ZDHHC14: variants seen among roughly 807,000 people sequenced by gnomAD.
The protein encoded by ZDHHC14 is zDHHC palmitoyltransferase 14.
A neutral mutation model predicts 47.7 loss-of-function variants in ZDHHC14; 16 were observed. That is an observed-to-expected ratio of 0.34 (90% CI 0.23 to 0.51). ZDHHC14 has a LOEUF of 0.51. ZDHHC14 is among the 20% of genes least tolerant of loss of function. The pLI is 0.97. For synonymous variants in ZDHHC14, 293 were observed against 278.9 expected, an observed-to-expected ratio of 1.05 and a Z score of -0.50; for missense variants, 515 against 662.5, an observed-to-expected ratio of 0.78 and a Z score of 2.44.
intron 2 of ZDHHC14, among the ~76,000 whole-genome samples, chr6:157,584,404 G>C (rs1163636360): frequency 2.0e-5 from 3 of 152,216 alleles, no homozygotes; most frequent in Non-Finnish European, 2.9e-5. Context: ...TGGTAGGAAA[G>C]AATCTTACTC....
In ZDHHC14 at chr6:157,465,639, G is replaced by A. The variant is rs1473729575; in HGVS notation, c.246-76946G>A. ...AAGAAATCTTCAAGGTCAGTCTTCT[G>A]TGTAGTGCCATGAGGCTCTCGTTAA... On this transcript the variant is annotated intron_variant, in intron 1 of 8. Transcript: ENST00000359775. 2.0e-5 allele frequency among the ~76,000 whole-genome samples: 3 copies of A among 152,094 alleles called. No individual in the cohort carries two copies. In the East Asian group the frequency reaches 5.8e-4, roughly 29 times the overall value.
At position 157,618,327 on chromosome 6, in the gene ZDHHC14, A is replaced by ATT. The variant is rs112996332; in HGVS notation, c.566-10011_566-10010dup. Among the ~76,000 whole-genome samples, 113 of 146,902 alleles carry ATT rather than the reference A, an allele frequency of 7.7e-4. 1 individual carries two copies. Among genetic ancestry groups the ATT allele is most frequent in the African/African-American group, 2.7e-3 (108 of 40,304 alleles). ...ATACAAATTTGAACTCACATGACTG[A>ATT]TTTTTTTTTTTTGAGACCTAATCTC... is the stretch of plus-strand genomic sequence containing the variant. On this transcript the variant is annotated intron_variant, in intron 3 of 8. Coordinates refer to ENST00000359775, the MANE Select transcript of ZDHHC14 (RefSeq NM_024630.3).
intron 1 of ZDHHC14, among the ~76,000 whole-genome samples, chr6:157,447,499 G>A (rs866754873): frequency 6.6e-5 from 10 of 152,316 alleles, no homozygotes; most frequent in Middle Eastern, 3.4e-3. Context: ...AGGGAGGGTC[G>A]GGGACTGTAT....
intron 3 of ZDHHC14, among the ~76,000 whole-genome samples, chr6:157,627,228 C>A (rs1303655575): frequency 6.6e-6 from 1 of 152,108 alleles, no homozygotes; most frequent in Non-Finnish European, 1.5e-5. Context: ...GACTGCCTTG[C>A]CTAAGTTTAT....
intron 3 of ZDHHC14, among the ~76,000 whole-genome samples, chr6:157,603,584 C>T (rs1203592547): frequency 6.6e-6 from 1 of 152,160 alleles, no homozygotes; most frequent in African/African-American, 2.4e-5. Flanking sequence ...AGGTAGTAGG[C>T]AGCTGTTGTC....
At chr6:157,537,597 G>A (rs1055092954) in intron 1 of ZDHHC14, among the ~76,000 whole-genome samples, 1 of 152,200 alleles carries the variant, frequency 6.6e-6, no homozygotes, top group African/African-American at 2.4e-5. Flanking sequence ...CCTGTAGCCT[G>A]TTTGCTACAC....
intron 2 of ZDHHC14, among the ~76,000 whole-genome samples, chr6:157,568,279 AAAG>A (rs1782980569): frequency 6.6e-6 from 1 of 152,250 alleles, no homozygotes; most frequent in Non-Finnish European, 1.5e-5. Context: ...TAAAAAGAAT[AAAG>A]AAGAAAATGA....
chr6:157,515,462 T>G (rs112007000), intron 1 of ZDHHC14, among the ~76,000 whole-genome samples: 5 of 109,176 alleles, frequency 4.6e-5, no homozygotes, highest in Non-Finnish European at 6.1e-5. Flanking sequence ...TTTTTCTTTT[T>G]TTTTTTTTTT....
chr6:157,412,288 G>A (rs1435527549), intron 1 of ZDHHC14, among the ~76,000 whole-genome samples: 1 of 144,832 alleles, frequency 6.9e-6, no homozygotes, highest in Non-Finnish European at 1.5e-5. Flanking sequence ...GAGTTTTGTT[G>A]TTGTTGTTTG....
chr6:157,482,232 C>A (rs1337759442), intron 1 of ZDHHC14, among the ~76,000 whole-genome samples: 2 of 151,410 alleles, frequency 1.3e-5, no homozygotes, highest in African/African-American at 4.8e-5. Context: ...AAAGTGAGGA[C>A]ACCTAACGTC....
chr6:157,665,646 C>G (rs2115008404), intron 8 of ZDHHC14, among the ~76,000 whole-genome samples: 1 of 152,166 alleles, frequency 6.6e-6, no homozygotes, highest in South Asian at 2.1e-4. Context: ...TAGATAAGCA[C>G]CCTGATATTG....
At chr6:157,504,035 G>A (rs1190339135) in intron 1 of ZDHHC14, among the ~76,000 whole-genome samples, 2 of 152,158 alleles carry the variant, frequency 1.3e-5, no homozygotes, top group South Asian at 4.1e-4. Flanking sequence ...TGTTCATGAT[G>A]ATAACTGTTC....
At chr6:157,594,958 G>A (rs923854470) in intron 3 of ZDHHC14, among the ~76,000 whole-genome samples, 1 of 151,116 alleles carries the variant, frequency 6.6e-6, no homozygotes, top group Non-Finnish European at 1.5e-5. Flanking sequence ...TCTTACACTT[G>A]TGCACATAAA....
intron 7 of ZDHHC14, among the ~76,000 whole-genome samples, chr6:157,649,487 C>A (rs998672697): frequency 1.3e-5 from 2 of 152,204 alleles, no homozygotes; most frequent in Admixed American, 6.5e-5. Flanking sequence ...CTTGCCCTTC[C>A]GCTGTGCCAC....
At chr6:157,525,234 C>T (rs1239680093) in intron 1 of ZDHHC14, among the ~76,000 whole-genome samples, 1 of 152,166 alleles carries the variant, frequency 6.6e-6, no homozygotes, top group Admixed American at 6.5e-5. Context: ...GATCATAACT[C>T]ACTGCAACCT....
chr6:157,632,078 G>C (rs767740949), intron 4 of ZDHHC14: 1 of 152,264 alleles, frequency 6.6e-6, no homozygotes, highest in Non-Finnish European at 1.5e-5. Context: ...GTGCAGCTGG[G>C]CCTGTGGTCA....
chr6:157,563,892 G>A (rs561746130), intron 2 of ZDHHC14, among the ~76,000 whole-genome samples: 1 of 152,338 alleles, frequency 6.6e-6, no homozygotes, highest in Non-Finnish European at 1.5e-5. Flanking sequence ...TGGGCTCATA[G>A]GCTTCAGGCT....
chr6:157,503,855 C>T (rs141215070), intron 1 of ZDHHC14, among the ~76,000 whole-genome samples: 4,286 of 152,256 alleles, frequency 0.028, 177 homozygotes, highest in African/African-American at 0.097. Context: ...GGAAACAGCA[C>T]GGCTCATATA....
At chr6:157,611,162 G>C (rs547929468) in intron 3 of ZDHHC14, among the ~76,000 whole-genome samples, 1 of 152,226 alleles carries the variant, frequency 6.6e-6, no homozygotes, top group South Asian at 2.1e-4. Context: ...ACCATGCCCA[G>C]CTAATTTTTG....
Sources: gnomAD v4.1 joint callset for allele counts (sites outside exome capture counted in the v4.1 genomes callset) on GRCh38, gnomAD v4.1.1 for gene constraint, MANE v1.5 for transcripts, NCBI Gene and HGNC (gene_info 2026-07-23, HGNC 2026-07-21) for gene names.